Variants in WFDC10B observed in about 807,000 individuals in gnomAD.
The protein encoded by WFDC10B is WAP four-disulfide core domain 10B.
WFDC10B carries 1 observed loss-of-function variant against 2.7 expected under a neutral mutation model. The observed-to-expected ratio is 0.38, with a 90% CI of 0.13 to 1.79. The LOEUF (loss-of-function observed/expected upper bound fraction) is 1.79, where lower values mean the gene tolerates loss of function less well. WFDC10B is among the 40% of genes most tolerant of loss of function. The pLI, the probability that WFDC10B is intolerant of heterozygous loss-of-function variation, is 0.33. For missense variants in WFDC10B, 71 were observed against 87.8 expected, an observed-to-expected ratio of 0.81 and a Z score of 0.76; for synonymous variants, 26 against 32.2, an observed-to-expected ratio of 0.81 and a Z score of 0.65.
At chr20:45,700,212 A>T (rs901600247) in intron 2 of WFDC10B, among the ~76,000 whole-genome samples, 2 of 152,222 alleles carry the variant, frequency 1.3e-5, no homozygotes. Context: ...AGTTTTCAGG[A>T]TATATTGTTA....
intron 3 of WFDC10B, among the ~76,000 whole-genome samples, chr20:45,685,254 C>A (rs997888058): frequency 6.6e-6 from 1 of 152,118 alleles, no homozygotes; most frequent in Non-Finnish European, 1.5e-5. Context: ...GGTGAAGTCA[C>A]CCCCATAGAA....
intron 2 of WFDC10B, among the ~76,000 whole-genome samples, chr20:45,702,754 C>G (rs946835221): frequency 6.6e-6 from 1 of 152,198 alleles, no homozygotes; most frequent in Non-Finnish European, 1.5e-5. Flanking sequence ...ATCAATGGGA[C>G]AGTGTAGAGT....
At chr20:45,704,367 T>C in intron 2 of WFDC10B, 130 bp downstream of exon 2, 1 of 1,525,946 alleles carries the variant, frequency 6.6e-7, no homozygotes, top group Admixed American at 2.1e-5. Flanking sequence ...TTCCTGGCAG[T>C]TCCCTGGGCT....
chr20:45,703,399 T>C (rs918119202), intron 2 of WFDC10B, among the ~76,000 whole-genome samples: 2 of 152,236 alleles, frequency 1.3e-5, no homozygotes, highest in African/African-American at 2.4e-5. Flanking sequence ...ACTACAGTTA[T>C]AGTCATGACC....
chr20:45,694,889 T>G (rs1343974868), intron 2 of WFDC10B, among the ~76,000 whole-genome samples: 1 of 152,156 alleles, frequency 6.6e-6, no homozygotes, highest in Non-Finnish European at 1.5e-5. Context: ...CTATAAAAAC[T>G]CTTAAACAAT....
chr20:45,693,933 G>C (rs1301073292), intron 2 of WFDC10B, among the ~76,000 whole-genome samples: 1 of 151,960 alleles, frequency 6.6e-6, no homozygotes, highest in Non-Finnish European at 1.5e-5. Context: ...CTCACGCTAG[G>C]AGCTGTAGAA....
chr20:45,686,202 C>T (rs1983612207), intron 2 of WFDC10B, 146 bp from the exon 3 acceptor site: 2 of 909,730 alleles, frequency 2.2e-6, no homozygotes, highest in Admixed American at 3.1e-5. Context: ...AGGGCTTCTG[C>T]AGGAATGATG....
intron 2 of WFDC10B, among the ~76,000 whole-genome samples, chr20:45,690,823 GTC>G (rs1983789425): frequency 6.6e-6 from 1 of 152,074 alleles, no homozygotes; most frequent in East Asian, 1.9e-4. Flanking sequence ...GGTTTTTTGT[GTC>G]TCTATTTCCT....
In WFDC10B at chr20:45,686,071, G is replaced by A; in HGVS notation, c.-64-15C>T. 1 of 1,552,336 alleles carries A rather than the reference G, an allele frequency of 6.4e-7. No individual in the cohort carries two copies. The highest frequency in any genetic ancestry group is 8.7e-7 in the Non-Finnish European group (1 of 1,146,572). ...TGCAGAGCTGCCTGTGGAGAGGGAA[G>A]GAAATAAAGAAGGAATGATCTTCAG... On this transcript the variant is annotated splice_polypyrimidine_tract_variant and intron_variant, in intron 2 of 3. Coordinates refer to ENST00000330523, the MANE Select transcript of WFDC10B (RefSeq NM_172006.2).
At chr20:45,688,799 T>G (rs1224693385) in intron 2 of WFDC10B, among the ~76,000 whole-genome samples, 3 of 151,494 alleles carry the variant, frequency 2.0e-5, no homozygotes, top group Admixed American at 6.6e-5. Context: ...GGTTGCCTGT[T>G]CTCTGATGGT....
intron 2 of WFDC10B, among the ~76,000 whole-genome samples, chr20:45,697,809 G>A (rs1264828625): frequency 6.7e-6 from 1 of 148,806 alleles, no homozygotes; most frequent in African/African-American, 2.5e-5. Context: ...AGTGGCGCGA[G>A]CTCAGCTCAC....
chr20:45,696,891 A>C (rs1355150516), intron 2 of WFDC10B, among the ~76,000 whole-genome samples: 1 of 152,200 alleles, frequency 6.6e-6, no homozygotes, highest in Non-Finnish European at 1.5e-5. Flanking sequence ...TAACTGATAC[A>C]GAAAAAGCAT....
At chr20:45,693,692 T>C (rs1481906018) in intron 2 of WFDC10B, among the ~76,000 whole-genome samples, 1 of 152,224 alleles carries the variant, frequency 6.6e-6, no homozygotes, top group Non-Finnish European at 1.5e-5. Flanking sequence ...AAGCACAGTA[T>C]TGGGGTAGGA....
chr20:45,692,936 G>GT (rs1983861911), intron 2 of WFDC10B, among the ~76,000 whole-genome samples: 1 of 152,110 alleles, frequency 6.6e-6, no homozygotes, highest in African/African-American at 2.4e-5. Flanking sequence ...TTTCTGCTCT[G>GT]TTTTTTCCCC....
In WFDC10B at chr20:45,689,278, G is replaced by A. The variant is rs529170803; in HGVS notation, c.-64-3222C>T. On this transcript the variant is annotated intron_variant, in intron 2 of 3. Transcript: ENST00000330523. ...ATAGTCTGAAGTCAGGTAGTGTGAT[G>A]CCTCCAGCTTTGTTCTTTTGGCTTA... is the stretch of plus-strand genomic sequence containing the variant. Among the ~76,000 whole-genome samples, 6 of 151,902 alleles carry A rather than the reference G, an allele frequency of 3.9e-5. No homozygotes were observed. The South Asian group carries it at 1.2e-3, about 32-fold the overall frequency.
intron 2 of WFDC10B, among the ~76,000 whole-genome samples, chr20:45,691,715 T>C (rs200800164): frequency 6.6e-6 from 1 of 152,238 alleles, no homozygotes; most frequent in Admixed American, 6.5e-5. Context: ...CCCTTTTATT[T>C]TGAGCCTATG....
At chr20:45,686,272 A>G (rs6104289) in intron 2 of WFDC10B, among the ~76,000 whole-genome samples, 7,137 of 152,228 alleles carry the variant, frequency 0.047, 340 homozygotes, top group East Asian at 0.22. Flanking sequence ...TTCTTTTCCA[A>G]AAGGTACTCT....
intron 2 of WFDC10B, 49 bp downstream of exon 2, chr20:45,704,448 T>C: frequency 1.2e-6 from 2 of 1,613,296 alleles, no homozygotes; most frequent in East Asian, 2.2e-5. Flanking sequence ...TTCCAGAGTA[T>C]ATCTTGGAAC....
At chr20:45,702,347 T>C (rs1048270555) in intron 2 of WFDC10B, 3 of 916,872 alleles carry the variant, frequency 3.3e-6, no homozygotes, top group Non-Finnish European at 5.0e-6. Context: ...GTTGGCAAGA[T>C]CTAGGTTTGA....
Sources: gnomAD v4.1 joint callset for allele counts (sites outside exome capture counted in the v4.1 genomes callset) on GRCh38, gnomAD v4.1.1 for gene constraint, MANE v1.5 for transcripts, NCBI Gene and HGNC (gene_info 2026-07-23, HGNC 2026-07-21) for gene names.